The following PIP5K1B variants were observed in gnomAD, a reference collection of about 807,000 sequenced individuals.
PIP5K1B encodes the protein phosphatidylinositol-4-phosphate 5-kinase type 1 beta, also known as phosphatidylinositol 4-phosphate 5-kinase type-1 beta.
Under a neutral mutation model 67.0 loss-of-function variants are expected in PIP5K1B, and 42 were observed. That is an observed-to-expected ratio of 0.63 (90% CI 0.49 to 0.81). PIP5K1B has a LOEUF of 0.81. Among genes scored for constraint, PIP5K1B ranks in the 30% least tolerant of loss-of-function variants. The pLI is 0.00. For missense variants in PIP5K1B, 459 were observed against 646.3 expected (o/e 0.71, Z 3.14); for synonymous variants, 214 against 231.4 (o/e 0.92, Z 0.68).
intron 4 of PIP5K1B, among the ~76,000 whole-genome samples, chr9:68,830,995 T>A (rs1466452296): frequency 6.6e-6 from 1 of 152,192 alleles, no homozygotes; most frequent in African/African-American, 2.4e-5. Flanking sequence ...AGATTTTTTT[T>A]AAGGTGGCTC....
At chr9:68,989,839 G>C (rs1830280470) in intron 14 of PIP5K1B, among the ~76,000 whole-genome samples, 1 of 152,060 alleles carries the variant, frequency 6.6e-6, no homozygotes, top group South Asian at 2.1e-4. Flanking sequence ...AATTAGCCAG[G>C]CATGGTGGTG....
chr9:68,890,507 T>G (rs1449179203), intron 7 of PIP5K1B, among the ~76,000 whole-genome samples: 1 of 152,212 alleles, frequency 6.6e-6, no homozygotes, highest in Non-Finnish European at 1.5e-5. Flanking sequence ...CATGTTATCT[T>G]TTTATGTAAA....
intron 4 of PIP5K1B, among the ~76,000 whole-genome samples, chr9:68,844,413 C>T (rs1587543547): frequency 6.6e-6 from 1 of 152,160 alleles, no homozygotes; most frequent in Non-Finnish European, 1.5e-5. Flanking sequence ...ATGCATCGGG[C>T]ACTTCCACTT....
At chr9:68,874,432 C>CGT (rs1823777456) in intron 5 of PIP5K1B, among the ~76,000 whole-genome samples, 1 of 152,062 alleles carries the variant, frequency 6.6e-6, no homozygotes, top group Non-Finnish European at 1.5e-5. Flanking sequence ...TATGGGTGTA[C>CGT]GTGTGTCTGT....
At chr9:69,004,337 T>TG (rs1564311765) in intron 15 of PIP5K1B, among the ~76,000 whole-genome samples, 1,785 of 148,308 alleles carry the variant, frequency 0.012, 15 homozygotes, top group Non-Finnish European at 0.016. Context: ...GTGTGTGTTT[T>TG]TGTGTGTGTG....
chr9:68,809,771 G>C (rs1403058583), intron 2 of PIP5K1B, among the ~76,000 whole-genome samples: 1 of 152,166 alleles, frequency 6.6e-6, no homozygotes. Flanking sequence ...TTCTTCATAA[G>C]TGAAGCTTTC....
intron 4 of PIP5K1B, among the ~76,000 whole-genome samples, chr9:68,837,146 A>T (rs897609265): frequency 6.6e-6 from 1 of 152,164 alleles, no homozygotes; most frequent in Non-Finnish European, 1.5e-5. Context: ...GTCTCCCCAC[A>T]TGTTCTCCCT....
Position 68,711,610 on chromosome 9 carries a change from G to T in PIP5K1B, c.-243+5848G>T, listed in dbSNP as rs151310675. 7.7e-3 allele frequency among the ~76,000 whole-genome samples: 1,176 copies of T among 152,030 alleles called. 13 individuals carry two copies. Among genetic ancestry groups the T allele is most frequent in the African/African-American group, 0.027 (1,130 of 41,474 alleles). ...TATTCTAATGATTCTATTATTTTTC[G>T]AACCATTTTAGAAATATTAGGCAGT... On this transcript the variant is annotated intron_variant, in intron 1 of 15. Coordinates refer to ENST00000265382, the MANE Select transcript of PIP5K1B (RefSeq NM_003558.4).
Position 68,927,002 on chromosome 9 carries a change from A to G in PIP5K1B, c.1201+3616A>G, listed in dbSNP as rs111778649. ...ACTTTCTGTCTCTATGGTTTTGCCT[A>G]TTCTGGCATTTCATATAAATCATAT... On this transcript the variant is annotated intron_variant, in intron 12 of 15. Coordinates refer to ENST00000265382, the MANE Select transcript of PIP5K1B (RefSeq NM_003558.4). Among the ~76,000 whole-genome samples, 66 of 152,304 alleles carry G rather than the reference A, an allele frequency of 4.3e-4. 1 individual carries two copies. Among genetic ancestry groups the G allele is most frequent in the African/African-American group, 1.4e-3 (58 of 41,564 alleles).
chr9:68,797,304 T>C (rs773829499), intron 2 of PIP5K1B, among the ~76,000 whole-genome samples: 72 of 152,342 alleles, frequency 4.7e-4, no homozygotes, highest in Non-Finnish European at 8.5e-4. Flanking sequence ...AAGCAACTCT[T>C]TAGCAGGTTA....
intron 1 of PIP5K1B, chr9:68,708,145 T>G (rs763073221): frequency 2.6e-5 from 4 of 151,956 alleles, no homozygotes; most frequent in African/African-American, 4.9e-5. Flanking sequence ...AGTATATTGT[T>G]TAGTTTACTG....
intron 14 of PIP5K1B, among the ~76,000 whole-genome samples, chr9:68,956,613 G>A (rs1014626756): frequency 6.6e-6 from 1 of 152,190 alleles, no homozygotes; most frequent in Admixed American, 6.5e-5. Context: ...ATGTGATTTG[G>A]GCTAAGATCA....
At chr9:68,905,525 C>G (rs777584852) in intron 8 of PIP5K1B, among the ~76,000 whole-genome samples, 13 of 152,128 alleles carry the variant, frequency 8.5e-5, no homozygotes, top group Non-Finnish European at 1.8e-4. Flanking sequence ...TAGTGAGGGA[C>G]TGAGTTACAG....
intron 12 of PIP5K1B, among the ~76,000 whole-genome samples, chr9:68,928,825 G>A (rs1587681290): frequency 6.6e-6 from 1 of 151,926 alleles, no homozygotes; most frequent in Admixed American, 6.6e-5. Context: ...TATACTTTAG[G>A]TCCTATGCTA....
intron 15 of PIP5K1B, among the ~76,000 whole-genome samples, chr9:68,993,896 A>G (rs1409377398): frequency 6.6e-6 from 1 of 152,102 alleles, no homozygotes; most frequent in Non-Finnish European, 1.5e-5. Context: ...TGTTGTTGTT[A>G]TTGACCATAA....
intron 2 of PIP5K1B, among the ~76,000 whole-genome samples, chr9:68,764,485 G>C (rs568496016): frequency 6.6e-6 from 1 of 152,094 alleles, no homozygotes; most frequent in Non-Finnish European, 1.5e-5. Flanking sequence ...TTTGTCTCAT[G>C]AAGTTGCTAT....
At chr9:68,837,044 C>T (rs559557902) in intron 4 of PIP5K1B, among the ~76,000 whole-genome samples, 4 of 152,352 alleles carry the variant, frequency 2.6e-5, no homozygotes, top group African/African-American at 9.6e-5. Flanking sequence ...CCAAATTCAG[C>T]CTTAGCGAGG....
At chr9:68,826,780 C>T (rs1834007998) in intron 4 of PIP5K1B, among the ~76,000 whole-genome samples, 1 of 152,164 alleles carries the variant, frequency 6.6e-6, no homozygotes, top group Admixed American at 6.5e-5. Context: ...GAGATGGAGT[C>T]TCACTCTATC....
At chr9:68,819,749 C>T (rs566977691) in intron 3 of PIP5K1B, among the ~76,000 whole-genome samples, 2 of 152,218 alleles carry the variant, frequency 1.3e-5, no homozygotes, top group South Asian at 4.2e-4. Flanking sequence ...TCTTATTTGT[C>T]CCTGCTACAT....
Sources: gnomAD v4.1 joint callset for allele counts (sites outside exome capture counted in the v4.1 genomes callset) on GRCh38, gnomAD v4.1.1 for gene constraint, MANE v1.5 for transcripts, NCBI Gene and HGNC (gene_info 2026-07-23, HGNC 2026-07-21) for gene names.